TMEM209: variants seen among roughly 807,000 people sequenced by gnomAD.
The protein encoded by TMEM209 is testicular tissue protein Li 202.
A neutral mutation model predicts 76.2 loss-of-function variants in TMEM209; 65 were observed. The ratio of observed to expected loss-of-function variants is 0.85; its 90% CI spans 0.70 to 1.05. The LOEUF is 1.05. Among genes scored for constraint, TMEM209 ranks in the 50% least tolerant of loss-of-function variants. TMEM209 has a pLI of 0.00. For missense variants in TMEM209, 623 were observed against 685.5 expected, an observed-to-expected ratio of 0.91 and a Z score of 1.02; for synonymous variants, 239 against 237.6, an observed-to-expected ratio of 1.01 and a Z score of -0.06.
intron 6 of TMEM209, chr7:130,192,409 T>G: frequency 1.9e-6 from 1 of 525,666 alleles, no homozygotes; most frequent in African/African-American, 1.9e-5. Flanking sequence ...TTCAATCTTA[T>G]TGTAGGTTTG....
At chr7:130,170,851 T>TG in intron 13 of TMEM209, among the ~76,000 whole-genome samples, 1 of 150,702 alleles carries the variant, frequency 6.6e-6, no homozygotes, top group East Asian at 1.9e-4. Context: ...TTTTTTGAGA[T>TG]GGAGTCTCGC....
intron 1 of TMEM209, chr7:130,204,927 G>A: frequency 1.9e-6 from 2 of 1,057,126 alleles, no homozygotes; most frequent in Non-Finnish European, 2.3e-6. Flanking sequence ...TTTTGTGTGT[G>A]GATAAAGGAC....
At chr7:130,190,997 T>C (rs996025432) in intron 6 of TMEM209, among the ~76,000 whole-genome samples, 5 of 152,004 alleles carry the variant, frequency 3.3e-5, no homozygotes, top group African/African-American at 1.2e-4. Flanking sequence ...AAAAAAAAGT[T>C]TGATGGGGAC....
chr7:130,180,996 A>G (rs1259949385), intron 9 of TMEM209, among the ~76,000 whole-genome samples: 1 of 152,250 alleles, frequency 6.6e-6, no homozygotes, highest in African/African-American at 2.4e-5. Flanking sequence ...GGTCCAATAT[A>G]AACACTTGTA....
intron 5 of TMEM209, among the ~76,000 whole-genome samples, chr7:130,195,929 A>G (rs895199858): frequency 7.2e-5 from 11 of 152,132 alleles, no homozygotes; most frequent in East Asian, 1.9e-4. Flanking sequence ...TATCTTTTCA[A>G]TAACAGGTAC....
At chr7:130,194,813 C>T (rs558359172) in intron 5 of TMEM209, among the ~76,000 whole-genome samples, 21 of 152,182 alleles carry the variant, frequency 1.4e-4, no homozygotes, top group African/African-American at 4.8e-4. Flanking sequence ...AATGTTTACT[C>T]AAGTACATTT....
At position 130,184,998 on chromosome 7, in the gene TMEM209, A is replaced by T. The variant is rs189997888; in HGVS notation, c.951+194T>A. 2.6e-5 allele frequency among the ~76,000 whole-genome samples: 4 copies of T among 152,336 alleles called. No individual in the cohort carries two copies. The East Asian group carries it at 7.7e-4, about 29-fold the overall frequency. On this transcript the variant is annotated intron_variant, in intron 7 of 14. Coordinates refer to ENST00000397622, the MANE Select transcript of TMEM209 (RefSeq NM_032842.4). ...AAGGTGAACTGTGTGTCACAGAGTA[A>T]AATGTATGATATAATTTAGTTTTTA... is the stretch of plus-strand genomic sequence containing the variant.
At chr7:130,203,944 G>A in intron 2 of TMEM209, 30 bp downstream of exon 2, 1 of 1,607,438 alleles carries the variant, frequency 6.2e-7, no homozygotes, top group Non-Finnish European at 8.5e-7. Flanking sequence ...GCTTCTTAAA[G>A]TTTCACTTTT....
chr7:130,204,240 CA>C (rs1482544552), intron 1 of TMEM209, 130 bp from the exon 2 acceptor site: 3 of 1,073,650 alleles, frequency 2.8e-6, no homozygotes, highest in Non-Finnish European at 3.8e-6. Flanking sequence ...AATGTTTTAT[CA>C]AAACTTCTTC....
At chr7:130,169,967 AACTGACTACTTTTCCATTCCAGTT>A (rs1490282211) in intron 14 of TMEM209, among the ~76,000 whole-genome samples, 2 of 152,198 alleles carry the variant, frequency 1.3e-5, no homozygotes, top group Non-Finnish European at 2.9e-5. Flanking sequence ...AAACGATTTC[AACTGACTACTTTTCCATTCCAGTT>A]AATGATATTA....
At chr7:130,186,119 A>T (rs1797590285) in intron 6 of TMEM209, among the ~76,000 whole-genome samples, 1 of 152,188 alleles carries the variant, frequency 6.6e-6, no homozygotes, top group African/African-American at 2.4e-5. Context: ...GACAACAATT[A>T]TATGGTATTT....
chr7:130,178,252 A>C, intron 10 of TMEM209, 150 bp downstream of exon 10: 1 of 776,786 alleles, frequency 1.3e-6, no homozygotes, highest in Non-Finnish European at 1.9e-6. Flanking sequence ...TAAGTTTCCT[A>C]CACAAAATAA....
chr7:130,183,712 G>C (rs1354659300), intron 8 of TMEM209, among the ~76,000 whole-genome samples: 1 of 152,112 alleles, frequency 6.6e-6, no homozygotes, highest in African/African-American at 2.4e-5. Flanking sequence ...CTCTGTATAT[G>C]GAAAAGTTGG....
rs1798308623 is a variant in TMEM209 at position 130,203,787 on chromosome 7, C to A, written c.199+1G>T. On this transcript the variant is annotated splice_donor_variant, in intron 3 of 14. Coordinates refer to ENST00000397622, the MANE Select transcript of TMEM209 (RefSeq NM_032842.4). LOFTEE classifies it high-confidence loss of function. Reference sequence around the variant, plus strand: ...AGTTACAGTGAAAATTACTTACTTACCAATATACCAGAGGGGCCAGTATGT... The same window carrying A: ...AGTTACAGTGAAAATTACTTACTTAACAATATACCAGAGGGGCCAGTATGT... 1 of 1,599,470 alleles carries A rather than the reference C, an allele frequency of 6.3e-7. No individual in the cohort carries two copies. Among genetic ancestry groups the A allele is most frequent in the Non-Finnish European group, 8.5e-7 (1 of 1,173,088 alleles).
At chr7:130,175,445 G>C (rs1167826293) in intron 11 of TMEM209, 67 bp downstream of exon 11, 1 of 1,446,582 alleles carries the variant, frequency 6.9e-7, no homozygotes, top group Non-Finnish European at 9.5e-7. Flanking sequence ...CTGGGTGACA[G>C]AGTAAGACCC....
chr7:130,166,386 G>A lies in TMEM209; in HGVS notation c.*65C>T, dbSNP rs2116961948. 1 of 1,328,526 alleles carries A rather than the reference G, an allele frequency of 7.5e-7. No homozygotes were observed. The highest frequency in any genetic ancestry group is 1.0e-6 in the Non-Finnish European group (1 of 964,120). 82.3% of individuals were successfully genotyped at this position (1,328,526 alleles called of 1,614,324 possible). A position where few individuals can be genotyped will look rare whatever the true frequency, so the allele number is the denominator to read the frequency against. On this transcript the variant is annotated 3_prime_UTR_variant, in exon 15 of 15. Coordinates refer to ENST00000397622, the MANE Select transcript of TMEM209 (RefSeq NM_032842.4). ...ATTTCAGAAGAGTCAGTGGCTCAGA[G>A]ATGTTTAGTTTCGACTTCTGGTTCA... is the stretch of plus-strand genomic sequence containing the variant.
intron 1 of TMEM209, among the ~76,000 whole-genome samples, chr7:130,204,758 C>G (rs1282897007): frequency 6.6e-6 from 1 of 152,194 alleles, no homozygotes; most frequent in Non-Finnish European, 1.5e-5. Flanking sequence ...GTTACACGGA[C>G]TAGGCAAAAG....
In TMEM209 at chr7:130,184,253, G is replaced by C. The variant is rs773632051; in HGVS notation, c.954C>G (p.Val318=). The change falls in exon 8 of 15, where the codon GTC becomes GTG. Residue 318 remains valine, a splice_region_variant and synonymous_variant. Coordinates refer to ENST00000397622, the MANE Select transcript of TMEM209 (RefSeq NM_032842.4). Reference sequence around the variant, plus strand: ...GTCTATTCATAGCCACTCTTGCCCAGACCTATAAAAATTCATGTTTAAAAT... The same window carrying C: ...GTCTATTCATAGCCACTCTTGCCCACACCTATAAAAATTCATGTTTAAAAT... The part of the protein sequence containing the change: ...DLSSKQAAEE[V]WARVAMNRQL... The C allele has an allele frequency of 1.9e-6, 3 of 1,595,604 alleles. No homozygotes were observed. The highest frequency in any genetic ancestry group is 1.7e-6 in the Non-Finnish European group (2 of 1,171,888).
chr7:130,169,194 C>CA (rs11463128), intron 14 of TMEM209, among the ~76,000 whole-genome samples: 26,364 of 74,114 alleles, frequency 0.36, 3,535 homozygotes, highest in East Asian at 0.49. Flanking sequence ...GACTCCATCT[C>CA]AAAAAAAAAA....
Sources: gnomAD v4.1 joint callset for allele counts (sites outside exome capture counted in the v4.1 genomes callset) on GRCh38, gnomAD v4.1.1 for gene constraint, MANE v1.5 for transcripts, NCBI Gene and HGNC (gene_info 2026-07-23, HGNC 2026-07-21) for gene names.